The following CCSER1 variants were observed in gnomAD, a reference collection of about 807,000 sequenced individuals.
CCSER1 encodes the protein coiled-coil serine rich protein 1, also known as serine-rich coiled-coil domain-containing protein 1.
CCSER1 carries 41 observed loss-of-function variants against 82.0 expected under a neutral mutation model. The ratio of observed to expected loss-of-function variants is 0.50; its 90% CI spans 0.39 to 0.65. The LOEUF is 0.65. Among genes scored for constraint, CCSER1 ranks in the 30% least tolerant of loss-of-function variants. The pLI is 0.00. For synonymous variants in CCSER1, 414 were observed against 383.9 expected (o/e 1.08, Z -0.92); for missense variants, 1,119 against 1,064.2 (o/e 1.05, Z -0.72).
intron 10 of CCSER1, among the ~76,000 whole-genome samples, chr4:91,420,308 G>A (rs774672132): frequency 6.6e-6 from 1 of 151,976 alleles, no homozygotes; most frequent in Non-Finnish European, 1.5e-5. Context: ...ATAATTGGTT[G>A]AAATATGTAA....
rs1387441937 is a variant in CCSER1 at position 90,876,850 on chromosome 4, A to G, written c.2095-46520A>G. Among the ~76,000 whole-genome samples the G allele has an allele frequency of 2.6e-5, 4 of 152,128 alleles. No homozygotes were observed. In the East Asian group the frequency reaches 7.7e-4, roughly 29 times the overall value. On this transcript the variant is annotated intron_variant, in intron 8 of 10. Transcript: ENST00000509176. Reference sequence around the variant, plus strand: ...TAACCCTTCCTTTATTGATGTATCTATAAAACGTAATTATTATGGGATTTC... The same window carrying G: ...TAACCCTTCCTTTATTGATGTATCTGTAAAACGTAATTATTATGGGATTTC...
chr4:91,514,707 T>G (rs1226822339), intron 10 of CCSER1, among the ~76,000 whole-genome samples: 8 of 152,112 alleles, frequency 5.3e-5, no homozygotes, highest in Non-Finnish European at 1.2e-4. Context: ...GTCAGCAAGC[T>G]AGGCACCATG....
rs771267852 is a variant in CCSER1, at chr4:90,932,982, G to GAAAGAGAAAGAAAGAA, written c.2172+9536_2172+9537insAAGAGAAAGAAAGAAA. On this transcript the variant is annotated intron_variant, in intron 9 of 10. Coordinates refer to ENST00000509176, the MANE Select transcript of CCSER1 (RefSeq NM_001145065.2). ...AGAAAGAAAGAAAGAAAGAAAGAAA[G>GAAAGAGAAAGAAAGAA]AGAAAGAAAGAAAGAAAGAAAGAAA... Among the ~76,000 whole-genome samples, 7 of 18,866 alleles carry GAAAGAGAAAGAAAGAA rather than the reference G, an allele frequency of 3.7e-4. 2 individuals are homozygous for GAAAGAGAAAGAAAGAA. The highest frequency in any genetic ancestry group is 3.1e-3 in the South Asian group (2 of 640). 12.4% of individuals were successfully genotyped at this position (18,866 alleles called of 152,430 possible).
intron 1 of CCSER1, among the ~76,000 whole-genome samples, chr4:90,142,773 A>G (rs1725037748): frequency 6.6e-6 from 1 of 151,700 alleles, no homozygotes; most frequent in East Asian, 1.9e-4. Context: ...TCTTTTCTTT[A>G]CTGAGAATTT....
At chr4:90,913,448 T>G (rs958140707) in intron 8 of CCSER1, among the ~76,000 whole-genome samples, 4 of 151,942 alleles carry the variant, frequency 2.6e-5, no homozygotes, top group African/African-American at 9.7e-5. Context: ...TGCTGAGAGA[T>G]TTTGTCACCA....
chr4:90,340,369 T>C (rs895315314), intron 3 of CCSER1, among the ~76,000 whole-genome samples: 1 of 152,202 alleles, frequency 6.6e-6, no homozygotes, highest in African/African-American at 2.4e-5. Flanking sequence ...TGTTCTTTCA[T>C]AGTAAATATC....
At chr4:91,290,260 GA>G (rs1743643793) in intron 10 of CCSER1, among the ~76,000 whole-genome samples, 1 of 151,966 alleles carries the variant, frequency 6.6e-6, no homozygotes, top group Non-Finnish European at 1.5e-5. Context: ...TGAATGAAAT[GA>G]AAACTTTGCT....
chr4:90,489,477 A>G lies in CCSER1; in HGVS notation c.1724+21123A>G, dbSNP rs565499056. ...TTGAGTTTGCTAATCTTGGGCAAAG[A>G]GGGAAATTATTAATAGGTAGTACGT... On this transcript the variant is annotated intron_variant, in intron 5 of 10. Coordinates refer to ENST00000509176, the MANE Select transcript of CCSER1 (RefSeq NM_001145065.2). 4.6e-5 allele frequency among the ~76,000 whole-genome samples: 7 copies of G among 152,250 alleles called. No homozygotes were observed. The South Asian group carries it at 1.5e-3, about 32-fold the overall frequency.
At chr4:90,396,335 A>C (rs561977671) in intron 3 of CCSER1, among the ~76,000 whole-genome samples, 49 of 152,264 alleles carry the variant, frequency 3.2e-4, no homozygotes, top group African/African-American at 1.1e-3. Flanking sequence ...ACATGTGACC[A>C]TTGGTGCTAA....
chr4:91,357,431 C>A (rs1329323121), intron 10 of CCSER1, among the ~76,000 whole-genome samples: 1 of 152,032 alleles, frequency 6.6e-6, no homozygotes, highest in African/African-American at 2.4e-5. Context: ...ACTTTAATGT[C>A]CAGTTCACAG....
intron 6 of CCSER1, among the ~76,000 whole-genome samples, chr4:90,666,618 T>A (rs778759390): frequency 1.3e-5 from 2 of 152,046 alleles, no homozygotes; most frequent in Non-Finnish European, 2.9e-5. Flanking sequence ...TGGTGATAAT[T>A]AGGAAAATGC....
At chr4:91,358,418 C>CA (rs1749015554) in intron 10 of CCSER1, among the ~76,000 whole-genome samples, 1 of 107,978 alleles carries the variant, frequency 9.3e-6, no homozygotes, top group Non-Finnish European at 1.8e-5. Context: ...TTTCCCGAGA[C>CA]AAAATACCAC....
intron 10 of CCSER1, among the ~76,000 whole-genome samples, chr4:91,124,531 G>C (rs1363514949): frequency 6.6e-6 from 1 of 151,708 alleles, no homozygotes; most frequent in Non-Finnish European, 1.5e-5. Flanking sequence ...ATCCCATTCA[G>C]ACTGACTTAG....
chr4:90,162,374 C>G (rs1391274910), intron 1 of CCSER1, among the ~76,000 whole-genome samples: 1 of 152,018 alleles, frequency 6.6e-6, no homozygotes, highest in African/African-American at 2.4e-5. Context: ...ATAATGTACT[C>G]AGATGCCTTC....
At chr4:91,093,736 A>T (rs375428314) in intron 10 of CCSER1, among the ~76,000 whole-genome samples, 6 of 152,292 alleles carry the variant, frequency 3.9e-5, no homozygotes, top group Admixed American at 2.0e-4. Context: ...GCTTTGTCAA[A>T]TCTGGTAGTC....
chr4:91,086,545 TAACTC>T (rs1329390384), intron 10 of CCSER1, among the ~76,000 whole-genome samples: 2 of 152,094 alleles, frequency 1.3e-5, no homozygotes, highest in African/African-American at 2.4e-5. Flanking sequence ...ATGCTGTACT[TAACTC>T]TGTGATTCAG....
At chr4:90,914,394 G>A (rs1401786020) in intron 8 of CCSER1, among the ~76,000 whole-genome samples, 1 of 152,052 alleles carries the variant, frequency 6.6e-6, no homozygotes, top group South Asian at 2.1e-4. Flanking sequence ...CTGAATGACT[G>A]CTCGGTACAT....
intron 5 of CCSER1, among the ~76,000 whole-genome samples, chr4:90,508,489 C>T (rs1771027010): frequency 6.6e-6 from 1 of 152,044 alleles, no homozygotes; most frequent in South Asian, 2.1e-4. Flanking sequence ...TTTTTCTCTA[C>T]ATAGGAATCC....
At chr4:91,237,987 G>A (rs868479671) in intron 10 of CCSER1, among the ~76,000 whole-genome samples, 2 of 152,134 alleles carry the variant, frequency 1.3e-5, no homozygotes, top group Non-Finnish European at 2.9e-5. Flanking sequence ...GTGTCAGGAA[G>A]CCTCTGGGGA....
Sources: gnomAD v4.1 joint callset for allele counts (sites outside exome capture counted in the v4.1 genomes callset) on GRCh38, gnomAD v4.1.1 for gene constraint, MANE v1.5 for transcripts, NCBI Gene and HGNC (gene_info 2026-07-23, HGNC 2026-07-21) for gene names.